The following TMEM114 variants were observed in gnomAD, a reference collection of about 807,000 sequenced individuals.
TMEM114 encodes the protein transmembrane protein 114.
Under a neutral mutation model 6.2 loss-of-function variants are expected in TMEM114, and 6 were observed. That is an observed-to-expected ratio of 0.97 (90% CI 0.53 to 1.91). The LOEUF (loss-of-function observed/expected upper bound fraction) is 1.91, where lower values mean the gene tolerates loss of function less well. TMEM114 is among the 40% of genes most tolerant of loss of function. The pLI is 0.01. For missense variants in TMEM114, 218 were observed against 158.3 expected (o/e 1.38, Z -2.02); for synonymous variants, 104 against 73.0 (o/e 1.42, Z -2.16).
chr16:8,552,744 C>T (rs1023837782), intron 2 of TMEM114, among the ~76,000 whole-genome samples: 3 of 149,686 alleles, frequency 2.0e-5, no homozygotes, highest in African/African-American at 7.4e-5. Flanking sequence ...CTCTAAGGTC[C>T]TACCTGCTCC....
At chr16:8,539,980 G>T (rs1323766489) in intron 2 of TMEM114, among the ~76,000 whole-genome samples, 1 of 151,954 alleles carries the variant, frequency 6.6e-6, no homozygotes, top group Non-Finnish European at 1.5e-5. Context: ...ACCATGCCTG[G>T]CTGATTTTTG....
At chr16:8,536,985 C>A (rs548990363), downstream of TMEM114, among the ~76,000 whole-genome samples, 2 of 151,748 alleles carry the variant, frequency 1.3e-5, no homozygotes, top group South Asian at 4.2e-4. Flanking sequence ...GTGGGAGGAT[C>A]ATTTGAGCCC....
At chr16:8,530,220 T>G in the TMEM114 span, among the ~76,000 whole-genome samples, 1 of 152,180 alleles carries the variant, frequency 6.6e-6, no homozygotes, top group South Asian at 2.1e-4. Context: ...TCTGCCTCCA[T>G]GAAAACTCAC....
intron 2 of TMEM114, among the ~76,000 whole-genome samples, chr16:8,541,107 C>T (rs1415437488): frequency 6.6e-6 from 1 of 152,130 alleles, no homozygotes; most frequent in Non-Finnish European, 1.5e-5. Flanking sequence ...AATAGAGTGG[C>T]AGCAATCATA....
chr16:8,563,395 G>C (rs1157532228), intron 2 of TMEM114, among the ~76,000 whole-genome samples: 4 of 148,620 alleles, frequency 2.7e-5, no homozygotes, highest in African/African-American at 1.0e-4. Flanking sequence ...GTGAGTGAAT[G>C]AGTAAACGAG....
At chr16:8,549,654 G>A (rs955287267) in intron 2 of TMEM114, among the ~76,000 whole-genome samples, 1 of 152,002 alleles carries the variant, frequency 6.6e-6, no homozygotes, top group Non-Finnish European at 1.5e-5. Flanking sequence ...TGTGAAAGAT[G>A]GTTGTAATAG....
downstream of TMEM114, among the ~76,000 whole-genome samples, chr16:8,536,834 T>C (rs529298385): frequency 6.6e-6 from 1 of 152,222 alleles, no homozygotes; most frequent in Non-Finnish European, 1.5e-5. Flanking sequence ...GCAGAGCAGG[T>C]GTGAAGGGCA....
intron 2 of TMEM114, among the ~76,000 whole-genome samples, chr16:8,542,185 C>T (rs1900536689): frequency 6.6e-6 from 1 of 152,114 alleles, no homozygotes; most frequent in South Asian, 2.1e-4. Flanking sequence ...AACCAGGTAC[C>T]CCTCTACTTC....
chr16:8,577,960 A>C (rs367922203), intron 2 of TMEM114, among the ~76,000 whole-genome samples: 61 of 152,290 alleles, frequency 4.0e-4, no homozygotes, highest in African/African-American at 1.3e-3. Flanking sequence ...AGTGAGGGCC[A>C]AGCCCTGTCC....
chr16:8,531,569 A>G, the TMEM114 span, among the ~76,000 whole-genome samples: 1 of 152,248 alleles, frequency 6.6e-6, no homozygotes, highest in African/African-American at 2.4e-5. Flanking sequence ...GCACCCATGC[A>G]GAAGTTTATT....
chr16:8,531,080 G>A, the TMEM114 span, among the ~76,000 whole-genome samples: 2 of 151,686 alleles, frequency 1.3e-5, no homozygotes, highest in Admixed American at 1.3e-4. Flanking sequence ...GGAAAAAAAG[G>A]GAGGCCCATT....
intron 2 of TMEM114, among the ~76,000 whole-genome samples, chr16:8,572,713 G>A (rs1000523831): frequency 3.9e-5 from 6 of 152,228 alleles, no homozygotes; most frequent in Admixed American, 3.9e-4. Context: ...TGGCATTACA[G>A]GTGTGAGCCA....
intron 2 of TMEM114, among the ~76,000 whole-genome samples, chr16:8,577,372 G>A (rs1165334973): frequency 6.6e-6 from 1 of 152,160 alleles, no homozygotes; most frequent in East Asian, 1.9e-4. Context: ...CCTCAGTTCT[G>A]TCATTCCCTG....
chr16:8,557,963 A>C (rs1475849937), intron 2 of TMEM114, among the ~76,000 whole-genome samples: 2 of 152,190 alleles, frequency 1.3e-5, no homozygotes, highest in African/African-American at 4.8e-5. Flanking sequence ...CAAATTTCAA[A>C]ATCAGTCCAG....
At chr16:8,558,521 A>G (rs1321971179) in intron 2 of TMEM114, among the ~76,000 whole-genome samples, 1 of 152,152 alleles carries the variant, frequency 6.6e-6, no homozygotes, top group East Asian at 1.9e-4. Flanking sequence ...CATCTTAACT[A>G]TAGTAATTAC....
intron 2 of TMEM114, among the ~76,000 whole-genome samples, chr16:8,561,255 A>G (rs1901190070): frequency 6.6e-6 from 1 of 152,196 alleles, no homozygotes; most frequent in Non-Finnish European, 1.5e-5. Flanking sequence ...CTTGGGCAAC[A>G]CTTATTGAGC....
chr16:8,545,622 A>G (rs796554581), intron 2 of TMEM114, among the ~76,000 whole-genome samples: 3 of 152,290 alleles, frequency 2.0e-5, no homozygotes, highest in African/African-American at 7.2e-5. Context: ...CTAATTCAGT[A>G]GATCATTAGT....
At chr16:8,558,989 C>T (rs1260366743) in intron 2 of TMEM114, among the ~76,000 whole-genome samples, 1 of 151,754 alleles carries the variant, frequency 6.6e-6, no homozygotes, top group Non-Finnish European at 1.5e-5. Context: ...GTAATCCACC[C>T]ACCTCAGCCT....
At chr16:8,574,443 C>T (rs941495906) in intron 2 of TMEM114, among the ~76,000 whole-genome samples, 1 of 152,078 alleles carries the variant, frequency 6.6e-6, no homozygotes, top group East Asian at 1.9e-4. Context: ...GCCTTCAGTC[C>T]CTCAATTGGC....
Sources: allele counts gnomAD v4.1 joint callset (sites outside exome capture counted in the v4.1 genomes callset), GRCh38; gene constraint gnomAD v4.1.1; transcripts MANE v1.5; gene names NCBI Gene and HGNC (gene_info 2026-07-23, HGNC 2026-07-21).